IMPG1: variants seen among roughly 807,000 people sequenced by gnomAD.
IMPG1 encodes the protein interphotoreceptor matrix proteoglycan 1, also known as interphotoreceptor matrix proteoglycan of 150 kDa.
In IMPG1, 85 loss-of-function variants were observed where a neutral mutation model predicts 92.0. The observed-to-expected ratio is 0.92, with a 90% confidence interval of 0.78 to 1.11. IMPG1 has a LOEUF of 1.11. IMPG1 is among the 50% of genes least tolerant of loss of function. IMPG1 has a pLI of 0.00. For synonymous variants in IMPG1, 367 were observed against 334.1 expected (o/e 1.10, Z -1.08); for missense variants, 1,022 against 956.0 (o/e 1.07, Z -0.91).
chr6:75,976,603 T>C (rs987432542), intron 12 of IMPG1, among the ~76,000 whole-genome samples: 1 of 150,960 alleles, frequency 6.6e-6, no homozygotes, highest in African/African-American at 2.4e-5. Context: ...GAGAGATTCT[T>C]TGTCCTGAGT....
chr6:75,996,025 C>T (rs1782895235), intron 12 of IMPG1, among the ~76,000 whole-genome samples: 1 of 152,198 alleles, frequency 6.6e-6, no homozygotes. Context: ...CAGAGAGCCA[C>T]TGGTAATTAA....
At chr6:76,061,801 A>G (rs1315265830) in intron 1 of IMPG1, among the ~76,000 whole-genome samples, 1 of 152,224 alleles carries the variant, frequency 6.6e-6, no homozygotes, top group Non-Finnish European at 1.5e-5. Flanking sequence ...AGTGATGCAC[A>G]TATCAGATGC....
Position 75,982,814 on chromosome 6 carries a change from A to G in IMPG1, c.1291+20104T>C, listed in dbSNP as rs1409035625. On this transcript the variant is annotated intron_variant, in intron 12 of 16. Transcript: ENST00000369950. ...TTGTAGCTATGATTCTGCATTAACC[A>G]TAGCACTTTATATAGTTTCTACTGT... Among the ~76,000 whole-genome samples, 3 of 152,028 alleles carry G rather than the reference A, an allele frequency of 2.0e-5. No individual in the cohort carries two copies. In the East Asian group the frequency reaches 5.8e-4, roughly 29 times the overall value.
intron 12 of IMPG1, among the ~76,000 whole-genome samples, chr6:75,978,125 T>G (rs999166847): frequency 6.6e-5 from 10 of 151,944 alleles, no homozygotes; most frequent in African/African-American, 2.4e-4. Context: ...TATAAATATT[T>G]ACATTATATA....
At chr6:76,061,702 T>G (rs755666492) in intron 1 of IMPG1, among the ~76,000 whole-genome samples, 1 of 152,196 alleles carries the variant, frequency 6.6e-6, no homozygotes, top group Non-Finnish European at 1.5e-5. Context: ...AGGGTAAATT[T>G]TCTTTTTTCT....
chr6:76,004,647 C>A (rs7769507), intron 10 of IMPG1, among the ~76,000 whole-genome samples: 50,366 of 151,912 alleles, frequency 0.33, 8,627 homozygotes, highest in East Asian at 0.49. Flanking sequence ...CCTAAGTGTG[C>A]CTGATGATCT....
intron 5 of IMPG1, among the ~76,000 whole-genome samples, chr6:76,023,163 G>T (rs1030043120): frequency 4.6e-5 from 7 of 152,098 alleles, no homozygotes; most frequent in Admixed American, 3.3e-4. Flanking sequence ...GCAGTTTTTT[G>T]GCTAATAAAG....
intron 14 of IMPG1, among the ~76,000 whole-genome samples, chr6:75,943,611 A>G (rs904587220): frequency 1.3e-5 from 2 of 152,226 alleles, no homozygotes; most frequent in Non-Finnish European, 2.9e-5. Context: ...GTATTCCTTT[A>G]TAGCAATACA....
chr6:76,037,425 C>A (rs988983465), intron 2 of IMPG1, among the ~76,000 whole-genome samples: 8 of 152,146 alleles, frequency 5.3e-5, no homozygotes, highest in African/African-American at 1.9e-4. Context: ...GGTGTCAACA[C>A]GTGGGAAGCA....
At chr6:75,941,280 G>A (rs548822791) in intron 14 of IMPG1, among the ~76,000 whole-genome samples, 1 of 152,224 alleles carries the variant, frequency 6.6e-6, no homozygotes, top group African/African-American at 2.4e-5. Flanking sequence ...TAAAGGCCAG[G>A]GAGAGGAACA....
chr6:75,973,248 C>T (rs897040094), intron 12 of IMPG1, among the ~76,000 whole-genome samples: 4 of 152,120 alleles, frequency 2.6e-5, no homozygotes, highest in Non-Finnish European at 5.9e-5. Flanking sequence ...CCAAAGTGTC[C>T]GGATTACAGG....
At chr6:75,961,482 A>G (rs1413301654) in intron 12 of IMPG1, among the ~76,000 whole-genome samples, 1 of 152,224 alleles carries the variant, frequency 6.6e-6, no homozygotes. Context: ...GTGATCAAAG[A>G]TAAAATTCTG....
At chr6:76,028,752 G>C (rs1424414557) in intron 4 of IMPG1, among the ~76,000 whole-genome samples, 4 of 152,116 alleles carry the variant, frequency 2.6e-5, no homozygotes, top group African/African-American at 4.8e-5. Flanking sequence ...CTGGGAGGCA[G>C]AACTTGCAGT....
At chr6:76,071,369 ATTAT>A (rs1358632179) in intron 1 of IMPG1, among the ~76,000 whole-genome samples, 2 of 150,646 alleles carry the variant, frequency 1.3e-5, no homozygotes, top group African/African-American at 4.8e-5. Flanking sequence ...CCAAAATCTC[ATTAT>A]TTATTTCTAA....
At position 75,950,711 on chromosome 6, in the gene IMPG1, T is replaced by C. The variant is rs895893033; in HGVS notation, c.1675A>G (p.Ile559Val). The C allele has an allele frequency of 6.2e-7, 1 of 1,613,878 alleles. No homozygotes were observed. Among genetic ancestry groups the C allele is most frequent in the Non-Finnish European group, 8.5e-7 (1 of 1,179,926 alleles). ...DTTPVSALQY[I>V]TTSSMTIAPK... ...GCAATGGTCATAGAACTAGTGGTGA[T>C]ATACTGTAAAGCTGAGACAGGAGTG... Residue 559 changes from isoleucine to valine, a missense_variant, in exon 13 of 17, where the codon ATC becomes GTC. This residue lies in a region of IMPG1 where 332 missense variants were observed against 346.2 expected (regional missense o/e 0.96). Transcript: ENST00000369950.
At chr6:75,963,044 G>GAA (rs34000613) in intron 12 of IMPG1, among the ~76,000 whole-genome samples, 40 of 139,954 alleles carry the variant, frequency 2.9e-4, no homozygotes, top group South Asian at 9.0e-4. Context: ...CTGTCTCCAG[G>GAA]AAAAAAAAAA....
At chr6:76,068,132 C>T (rs1403102743) in intron 1 of IMPG1, among the ~76,000 whole-genome samples, 1 of 152,172 alleles carries the variant, frequency 6.6e-6, no homozygotes, top group African/African-American at 2.4e-5. Context: ...TGGAAGAAGA[C>T]AAGGATGCCC....
intron 12 of IMPG1, among the ~76,000 whole-genome samples, chr6:75,994,850 A>G (rs1010668549): frequency 1.3e-5 from 2 of 152,208 alleles, no homozygotes; most frequent in African/African-American, 2.4e-5. Flanking sequence ...GAGCTAACAA[A>G]AAAGGATGGA....
At chr6:75,940,168 C>T (rs982189294) in intron 14 of IMPG1, among the ~76,000 whole-genome samples, 3 of 152,182 alleles carry the variant, frequency 2.0e-5, no homozygotes, top group African/African-American at 7.2e-5. Context: ...CCATTCACAG[C>T]TCTTCCTCCC....
Sources: gnomAD v4.1 joint callset for allele counts (sites outside exome capture counted in the v4.1 genomes callset) on GRCh38, gnomAD v4.1.1 for gene constraint, gnomAD v4.1.1 regional missense constraint, MANE v1.5 for transcripts, NCBI Gene and HGNC (gene_info 2026-07-23, HGNC 2026-07-21) for gene names.